Variants in THSD7B observed in about 807,000 individuals in gnomAD.
The protein encoded by THSD7B is thrombospondin type-1 domain-containing protein 7B.
Under a neutral mutation model 213.6 loss-of-function variants are expected in THSD7B, and 138 were observed. The observed-to-expected ratio is 0.65, with a 90% CI of 0.56 to 0.74. The LOEUF (loss-of-function observed/expected upper bound fraction) is 0.74. Ranked by LOEUF, THSD7B falls within the 30% of genes least tolerant of loss-of-function variation. The probability of loss-of-function intolerance (pLI) is 0.00; values close to 1 mark genes in which losing one functional copy is unlikely to be tolerated. For missense variants in THSD7B, 1,931 were observed against 1,991.5 expected (o/e 0.97, Z 0.58); for synonymous variants, 742 against 687.0 (o/e 1.08, Z -1.25).
chr2:137,511,487 G>A (rs924365963), intron 15 of THSD7B, among the ~76,000 whole-genome samples: 1 of 152,174 alleles, frequency 6.6e-6, no homozygotes, highest in African/African-American at 2.4e-5. Flanking sequence ...GTTTTAATAG[G>A]CAGTTAAGTT....
intron 12 of THSD7B, among the ~76,000 whole-genome samples, chr2:137,308,743 AG>A (rs1166389957): frequency 6.6e-6 from 1 of 152,168 alleles, no homozygotes; most frequent in Non-Finnish European, 1.5e-5. Context: ...ACCAACCTAA[AG>A]AAACCACTAT....
At position 137,214,540 on chromosome 2, in the gene THSD7B, G is replaced by C. The variant is rs181713302; in HGVS notation, c.1724-16504G>C. 3.5e-3 allele frequency among the ~76,000 whole-genome samples: 539 copies of C among 152,086 alleles called. 7 individuals carry two copies. The highest frequency in any genetic ancestry group is 0.012 in the African/African-American group (510 of 41,488). ...GGTGGTTTGCTGCACCCATCACCCC[G>C]TCATCTGTATTAGGTATTTCTTCTA... is the stretch of plus-strand genomic sequence containing the variant. On this transcript the variant is annotated intron_variant, in intron 7 of 27. Transcript: ENST00000409968.
intron 2 of THSD7B, among the ~76,000 whole-genome samples, chr2:136,886,254 G>A (rs1683714466): frequency 6.6e-6 from 1 of 152,102 alleles, no homozygotes; most frequent in African/African-American, 2.4e-5. Context: ...GGTTTTGAGA[G>A]GGTGGTGACA....
At chr2:137,572,296 G>C (rs1573716993) in intron 16 of THSD7B, 110 bp from the exon 17 acceptor site, 2 of 1,329,070 alleles carry the variant, frequency 1.5e-6, no homozygotes. Context: ...TTCTGTGCTG[G>C]TCTTATGTTA....
chr2:137,170,963 G>T (rs1680237646), intron 7 of THSD7B, 25 bp downstream of exon 7: 1 of 1,609,210 alleles, frequency 6.2e-7, no homozygotes, highest in Non-Finnish European at 8.5e-7. Flanking sequence ...CCCACTAGAG[G>T]TGTTAGGATG....
intron 2 of THSD7B, among the ~76,000 whole-genome samples, chr2:137,055,620 C>G (rs2104875884): frequency 6.6e-6 from 1 of 152,232 alleles, no homozygotes; most frequent in East Asian, 1.9e-4. Flanking sequence ...CTTACCTACA[C>G]AAATGAATTA....
chr2:137,313,954 T>A (rs1684003976), intron 12 of THSD7B, among the ~76,000 whole-genome samples: 1 of 152,226 alleles, frequency 6.6e-6, no homozygotes, highest in Non-Finnish European at 1.5e-5. Context: ...TTGCTTCATT[T>A]CAACTTTGGT....
chr2:137,347,829 A>C (rs2104916225), intron 12 of THSD7B, among the ~76,000 whole-genome samples: 1 of 151,714 alleles, frequency 6.6e-6, no homozygotes, highest in East Asian at 1.9e-4. Flanking sequence ...ATAGTTCTTA[A>C]TGTTATAGTT....
intron 1 of THSD7B, among the ~76,000 whole-genome samples, chr2:136,843,358 T>C (rs1682948226): frequency 1.3e-5 from 2 of 152,196 alleles, no homozygotes; most frequent in Admixed American, 6.5e-5. Context: ...ATGATACTTA[T>C]ATTAACATGC....
intron 27 of THSD7B, among the ~76,000 whole-genome samples, chr2:137,670,964 C>CTAAT (rs1229110520): frequency 6.7e-6 from 1 of 149,288 alleles, no homozygotes; most frequent in African/African-American, 2.5e-5. Flanking sequence ...CTTGTCTTCT[C>CTAAT]TAATTTCATA....
At chr2:137,248,633 T>C (rs972543205) in intron 10 of THSD7B, among the ~76,000 whole-genome samples, 1 of 152,098 alleles carries the variant, frequency 6.6e-6, no homozygotes, top group South Asian at 2.1e-4. Flanking sequence ...ACTTGCCTCT[T>C]TACTTTCCCC....
intron 15 of THSD7B, among the ~76,000 whole-genome samples, chr2:137,484,443 C>T (rs556197672): frequency 9.7e-4 from 119 of 122,140 alleles, no homozygotes; most frequent in African/African-American, 3.7e-3. Flanking sequence ...GGGTTGGTTC[C>T]AAGTCTTTGC....
At chr2:137,514,742 G>A (rs926346710) in intron 15 of THSD7B, among the ~76,000 whole-genome samples, 14 of 152,100 alleles carry the variant, frequency 9.2e-5, no homozygotes, top group African/African-American at 3.4e-4. Context: ...AATAGTCCTT[G>A]GTGTGAACTG....
At chr2:136,810,416 A>C (rs1009417574) in intron 1 of THSD7B, among the ~76,000 whole-genome samples, 6 of 152,236 alleles carry the variant, frequency 3.9e-5, no homozygotes, top group Admixed American at 2.6e-4. Flanking sequence ...AAAGAGAGTC[A>C]TAGCTCTCTA....
intron 1 of THSD7B, among the ~76,000 whole-genome samples, chr2:136,880,766 T>C (rs542162058): frequency 6.6e-6 from 1 of 152,288 alleles, no homozygotes. Flanking sequence ...CATTCACCAG[T>C]ACTTGCCTGG....
intron 2 of THSD7B, among the ~76,000 whole-genome samples, chr2:136,899,357 T>C (rs1334272534): frequency 6.6e-6 from 1 of 152,168 alleles, no homozygotes; most frequent in African/African-American, 2.4e-5. Context: ...AACTGTAAGG[T>C]GCATGATAAA....
At chr2:137,015,381 C>T (rs887253901) in intron 2 of THSD7B, among the ~76,000 whole-genome samples, 3 of 152,040 alleles carry the variant, frequency 2.0e-5, no homozygotes, top group Non-Finnish European at 4.4e-5. Flanking sequence ...ATGCCACAAT[C>T]CTGGGGCCTT....
At chr2:137,362,461 C>A in intron 12 of THSD7B, among the ~76,000 whole-genome samples, 1 of 152,098 alleles carries the variant, frequency 6.6e-6, no homozygotes, top group East Asian at 1.9e-4. Flanking sequence ...GAGTCAAGAC[C>A]CATCAGTGCG....
chr2:137,055,089 C>T (rs1179349997), intron 2 of THSD7B, among the ~76,000 whole-genome samples: 5 of 152,096 alleles, frequency 3.3e-5, no homozygotes, highest in South Asian at 4.1e-4. Context: ...GCTTCATCCA[C>T]GTCCCTGTGA....
Sources: allele counts gnomAD v4.1 joint callset (sites outside exome capture counted in the v4.1 genomes callset), GRCh38; gene constraint gnomAD v4.1.1; transcripts MANE v1.5; gene names NCBI Gene and HGNC (gene_info 2026-07-23, HGNC 2026-07-21).